Variants in RP1 observed in about 807,000 individuals in gnomAD.
RP1 encodes oxygen-regulated protein 1.
RP1 carries 16 observed loss-of-function variants against 14.8 expected under a neutral mutation model. The ratio of observed to expected loss-of-function variants is 1.08; its 90% confidence interval spans 0.73 to 1.65. RP1 has a LOEUF of 1.65. Among genes scored for constraint, RP1 ranks in the 40% most tolerant of loss-of-function variants. The probability of loss-of-function intolerance (pLI) is 0.00; values close to 1 mark genes in which losing one functional copy is unlikely to be tolerated. For synonymous variants in RP1, 876 were observed against 883.6 expected, an observed-to-expected ratio of 0.99 and a Z score of 0.15; for missense variants, 2,631 against 2,535.0, an observed-to-expected ratio of 1.04 and a Z score of -0.81.
intron 15 of RP1, among the ~76,000 whole-genome samples, chr8:54,710,895 A>G (rs1376032849): frequency 6.6e-6 from 1 of 152,176 alleles, no homozygotes; most frequent in Non-Finnish European, 1.5e-5. Context: ...GACATTATTC[A>G]GAAAGAAACA....
Position 54,627,866 on chromosome 8 carries a change from A to G in RP1, c.3984A>G (p.Pro1328=), listed in dbSNP as rs1806115914. ...ACCATACCTATGAGGGAGCTTGCCC[A>G]ATTGATGAGACCTACGTTCCTGTCA... The part of the protein sequence containing the change: ...KENHTYEGAC[P]IDETYVPVNV... The change falls in exon 4 of 4, where the codon CCA becomes CCG. Residue 1328 remains proline, a synonymous_variant. Coordinates refer to ENST00000220676, the MANE Select transcript of RP1 (RefSeq NM_006269.2). 6.2e-7 allele frequency: 1 copy of G among 1,614,048 alleles called. No homozygotes were observed. Among genetic ancestry groups the G allele is most frequent in the African/African-American group, 1.3e-5 (1 of 74,946 alleles).
chr8:54,658,467 C>T (rs1414095484), intron 6 of RP1, among the ~76,000 whole-genome samples: 1 of 138,896 alleles, frequency 7.2e-6, no homozygotes, highest in Non-Finnish European at 1.5e-5. Context: ...AGGAGAATGG[C>T]GTGAACCCGG....
intron 8 of RP1, among the ~76,000 whole-genome samples, chr8:54,674,584 A>G (rs562973680): frequency 6.6e-6 from 1 of 152,126 alleles, no homozygotes; most frequent in Admixed American, 6.6e-5. Context: ...AAAAAGTGTC[A>G]AAGTATAATT....
chr8:54,687,078 T>C (rs992805273), intron 12 of RP1, among the ~76,000 whole-genome samples: 1 of 152,154 alleles, frequency 6.6e-6, no homozygotes, highest in Admixed American at 6.6e-5. Flanking sequence ...GAAAAGATAA[T>C]TGCATTTTTC....
At chr8:54,830,649 T>A (rs570613916) in intron 24 of RP1, among the ~76,000 whole-genome samples, 1 of 152,282 alleles carries the variant, frequency 6.6e-6, no homozygotes, top group Non-Finnish European at 1.5e-5. Context: ...TCTGATAATC[T>A]CTGCCATTTA....
At chr8:54,597,394 A>C (rs1019794903) in intron 1 of RP1, among the ~76,000 whole-genome samples, 5 of 152,168 alleles carry the variant, frequency 3.3e-5, no homozygotes, top group African/African-American at 1.2e-4. Flanking sequence ...TTATTACAGC[A>C]TTTTTAGATG....
intron 24 of RP1, among the ~76,000 whole-genome samples, chr8:54,799,580 G>T (rs1265434282): frequency 9.2e-5 from 14 of 151,628 alleles, no homozygotes; most frequent in Non-Finnish European, 2.1e-4. Context: ...GCCTTCTCAG[G>T]ATTTAACTGA....
At chr8:54,598,407 A>G (rs1805199926) in intron 1 of RP1, among the ~76,000 whole-genome samples, 1 of 152,048 alleles carries the variant, frequency 6.6e-6, no homozygotes, top group African/African-American at 2.4e-5. Flanking sequence ...AATTCTCTTT[A>G]CCCTCCCTCA....
In RP1 at chr8:54,600,752, G is replaced by A. The variant is rs1212821828; in HGVS notation, c.-12-20203G>A. Among the ~76,000 whole-genome samples, 10 of 152,306 alleles carry A rather than the reference G, an allele frequency of 6.6e-5. No individual in the cohort carries two copies. In the East Asian group the frequency reaches 1.4e-3, roughly 21 times the overall value. ...GGCAGGTATTGCCTAAATGTTTTCT[G>A]TCTTACTAGCTTGCCCCTTTCCTGG... On this transcript the variant is annotated intron_variant, in intron 1 of 22. Coordinates refer to the RP1 transcript ENST00000636932.
intron 4 of RP1, among the ~76,000 whole-genome samples, chr8:54,650,503 A>G (rs370973349): frequency 9.9e-5 from 15 of 152,168 alleles, no homozygotes; most frequent in African/African-American, 3.6e-4. Context: ...TAGTACATTC[A>G]CAGTGTTATT....
intron 1 of RP1, among the ~76,000 whole-genome samples, chr8:54,569,310 T>G (rs1434460484): frequency 6.6e-6 from 1 of 152,230 alleles, no homozygotes; most frequent in Non-Finnish European, 1.5e-5. Flanking sequence ...GGGAAAGGCT[T>G]TCTCAATTGT....
intron 26 of RP1, among the ~76,000 whole-genome samples, chr8:54,853,754 G>GAGAA (rs1554540440): frequency 7.0e-6 from 1 of 142,028 alleles, no homozygotes; most frequent in East Asian, 2.1e-4. Flanking sequence ...GAAAGAAAGA[G>GAGAA]AGAGAGAAAG....
intron 23 of RP1, among the ~76,000 whole-genome samples, chr8:54,780,597 G>T (rs1022531934): frequency 1.3e-5 from 2 of 152,072 alleles, no homozygotes; most frequent in African/African-American, 4.8e-5. Flanking sequence ...TACTGAACAC[G>T]TACAGACTTT....
chr8:54,827,330 ATTTT>A (rs111615579), intron 24 of RP1, among the ~76,000 whole-genome samples: 47 of 145,952 alleles, frequency 3.2e-4, no homozygotes, highest in Admixed American at 4.1e-4. Flanking sequence ...TTTATAGTGT[ATTTT>A]TTTTTTTTTT....
chr8:54,766,792 G>T (rs747519515), intron 22 of RP1, among the ~76,000 whole-genome samples: 2 of 152,154 alleles, frequency 1.3e-5, no homozygotes, highest in Non-Finnish European at 2.9e-5. Context: ...GTGTTTCCTA[G>T]CTAGGCCAGT....
At chr8:54,752,502 T>A (rs1809399295) in intron 19 of RP1, among the ~76,000 whole-genome samples, 1 of 152,208 alleles carries the variant, frequency 6.6e-6, no homozygotes, top group Non-Finnish European at 1.5e-5. Flanking sequence ...TTTGTATGAT[T>A]ATTATAGACG....
At chr8:54,637,718 T>TTCATGG in intron 3 of RP1, among the ~76,000 whole-genome samples, 1 of 152,300 alleles carries the variant, frequency 6.6e-6, no homozygotes, top group East Asian at 1.9e-4. Flanking sequence ...TTACAGGGCT[T>TTCATGG]TCATTAATAA....
intron 24 of RP1, among the ~76,000 whole-genome samples, chr8:54,824,041 C>T (rs1811324586): frequency 6.6e-6 from 1 of 152,060 alleles, no homozygotes; most frequent in South Asian, 2.1e-4. Context: ...TAATGCAAAA[C>T]ATCTTTTCAT....
chr8:54,601,572 T>TTA (rs1563322430), intron 1 of RP1, among the ~76,000 whole-genome samples: 4 of 110,018 alleles, frequency 3.6e-5, no homozygotes, highest in African/African-American at 1.3e-4. Flanking sequence ...TAAAGTATAA[T>TTA]AAAAAAAAAC....
Sources: allele counts gnomAD v4.1 joint callset (sites outside exome capture counted in the v4.1 genomes callset), GRCh38; gene constraint gnomAD v4.1.1; transcripts MANE v1.5; gene names NCBI Gene and HGNC (gene_info 2026-07-23, HGNC 2026-07-21).